SPAG1: variants seen among roughly 807,000 people sequenced by gnomAD.
SPAG1 encodes sperm associated antigen 1.
Under a neutral mutation model 100.5 loss-of-function variants are expected in SPAG1, and 69 were observed. That is an observed-to-expected ratio of 0.69 (90% CI 0.57 to 0.84). The LOEUF is 0.84. SPAG1 is among the 40% of genes least tolerant of loss of function. SPAG1 has a pLI of 0.00. For synonymous variants in SPAG1, 336 were observed against 411.6 expected (o/e 0.82, Z 2.22); for missense variants, 955 against 1,133.1 (o/e 0.84, Z 2.26).
intron 13 of SPAG1, among the ~76,000 whole-genome samples, chr8:100,223,750 G>C (rs1010992142): frequency 1.3e-5 from 2 of 151,422 alleles, no homozygotes; most frequent in African/African-American, 2.4e-5. Flanking sequence ...CTTCCTCTCT[G>C]CTGGTAATAT....
At chr8:100,234,852 A>G (rs1485809361) in intron 16 of SPAG1, among the ~76,000 whole-genome samples, 1 of 152,130 alleles carries the variant, frequency 6.6e-6, no homozygotes, top group African/African-American at 2.4e-5. Context: ...TCTGAAGGTG[A>G]TGGAGCCTCC....
At chr8:100,237,807 T>A (rs980931353) in intron 16 of SPAG1, among the ~76,000 whole-genome samples, 12 of 152,132 alleles carry the variant, frequency 7.9e-5, no homozygotes, top group Admixed American at 7.9e-4. Context: ...TTCCAACCAG[T>A]CAGGCTGCTC....
At chr8:100,223,580 CT>C (rs34674281) in intron 13 of SPAG1, among the ~76,000 whole-genome samples, 49,876 of 143,070 alleles carry the variant, frequency 0.35, 8,587 homozygotes, top group East Asian at 0.5. Flanking sequence ...ACAGCAGAAG[CT>C]TTTTTTTTTT....
chr8:100,230,458 T>C (rs892145066), intron 14 of SPAG1, among the ~76,000 whole-genome samples: 7 of 152,214 alleles, frequency 4.6e-5, no homozygotes, highest in Non-Finnish European at 7.3e-5. Flanking sequence ...TGCAGCCTTA[T>C]TGGAGACTCT....
rs1041838934 is a variant in SPAG1, at chr8:100,178,054, T to C, written c.426+113T>C. 1.2e-4 allele frequency: 88 copies of C among 732,584 alleles called. 1 individual carries two copies. Among genetic ancestry groups the C allele is most frequent in the Admixed American group, 5.9e-4 (22 of 37,484 alleles). The allele number at this position is 732,584 out of a possible 1,614,324, so 45.4% of individuals were successfully genotyped here. A position where few individuals can be genotyped will look rare whatever the true frequency, so the allele number is the denominator to read the frequency against. On this transcript the variant is annotated intron_variant, in intron 4 of 18. Transcript: ENST00000388798. ...CTATGTGTGATGTCCTCTAGGAGAA[T>C]TGGGGAGTTTGTTCAGCTGGCTGGG... is the stretch of plus-strand genomic sequence containing the variant.
chr8:100,200,485 T>C (rs892186466), intron 10 of SPAG1, among the ~76,000 whole-genome samples: 3 of 152,234 alleles, frequency 2.0e-5, no homozygotes, highest in Admixed American at 2.0e-4. Flanking sequence ...CTGGGTCAAA[T>C]GGTATTTCTA....
chr8:100,221,930 A>AC, intron 13 of SPAG1, among the ~76,000 whole-genome samples: 1 of 152,338 alleles, frequency 6.6e-6, no homozygotes, highest in South Asian at 2.1e-4. Flanking sequence ...GTCACAGGGA[A>AC]CCTGTCTGAT....
chr8:100,225,414 G>T, intron 14 of SPAG1, 75 bp downstream of exon 14: 3 of 1,335,412 alleles, frequency 2.2e-6, no homozygotes, highest in Admixed American at 2.0e-5. Context: ...AAAGCAGAGA[G>T]ATAAGAGCAT....
intron 10 of SPAG1, among the ~76,000 whole-genome samples, chr8:100,199,070 T>C (rs924999627): frequency 6.6e-6 from 1 of 152,284 alleles, no homozygotes; most frequent in Non-Finnish European, 1.5e-5. Context: ...TGAATAATGC[T>C]GTCATGAACG....
At chr8:100,207,631 A>G (rs567213592) in intron 10 of SPAG1, among the ~76,000 whole-genome samples, 120 of 152,308 alleles carry the variant, frequency 7.9e-4, no homozygotes, top group Non-Finnish European at 1.4e-3. Flanking sequence ...GTTGTAGCCA[A>G]TGGTTTGGCT....
chr8:100,191,971 T>A (rs1326997314), intron 9 of SPAG1, among the ~76,000 whole-genome samples: 1 of 152,158 alleles, frequency 6.6e-6, no homozygotes, highest in Admixed American at 6.5e-5. Flanking sequence ...GATTTTCCCC[T>A]GCTTACAAAT....
chr8:100,202,373 A>C (rs1817313603), intron 10 of SPAG1, among the ~76,000 whole-genome samples: 1 of 151,888 alleles, frequency 6.6e-6, no homozygotes, highest in Non-Finnish European at 1.5e-5. Flanking sequence ...AAACAAAAAA[A>C]CCTGTTCTTT....
intron 4 of SPAG1, among the ~76,000 whole-genome samples, chr8:100,178,200 T>C (rs79901855): frequency 2.6e-5 from 4 of 152,184 alleles, no homozygotes; most frequent in Non-Finnish European, 5.9e-5. Flanking sequence ...GTCTTTTTTT[T>C]CTTTTTTTAT....
chr8:100,207,273 G>A (rs571251050), intron 10 of SPAG1, among the ~76,000 whole-genome samples: 61 of 152,154 alleles, frequency 4.0e-4, no homozygotes, highest in Non-Finnish European at 7.8e-4. Context: ...AGGTTCTGAA[G>A]GCACAAATAA....
intron 10 of SPAG1, among the ~76,000 whole-genome samples, chr8:100,210,891 G>A (rs1417846875): frequency 6.6e-6 from 1 of 151,130 alleles, no homozygotes; most frequent in African/African-American, 2.4e-5. Flanking sequence ...GCAATGGTGT[G>A]ATCTTGGCTC....
intron 14 of SPAG1, among the ~76,000 whole-genome samples, chr8:100,229,947 A>ATCATCCCTTT (rs1818691584): frequency 6.6e-6 from 1 of 152,154 alleles, no homozygotes; most frequent in African/African-American, 2.4e-5. Context: ...CCATTTTCAC[A>ATCATCCCTTT]TCATCCCTTT....
In SPAG1 at chr8:100,213,112, C is replaced by T. The variant is rs1368158185; in HGVS notation, c.1119C>T (p.Ala373=). 23 of 1,480,852 alleles carry T rather than the reference C, an allele frequency of 1.6e-5. No individual in the cohort carries two copies. In the Admixed American group the frequency reaches 3.5e-4, roughly 23 times the overall value. 91.7% of individuals were successfully genotyped at this position (1,480,852 alleles called of 1,614,324 possible). The change falls in exon 11 of 19, where the codon GCC becomes GCT. Residue 373 remains alanine, a synonymous_variant. Transcript: ENST00000388798. ...CAGAGCCCGCGGAGCCGGCGGGAGC[C>T]GCGCGCGCCGCCCAGCCGTGCGTCA... ...GDKKPAEPAG[A]ARAAQPCVMG...
intron 10 of SPAG1, among the ~76,000 whole-genome samples, chr8:100,203,034 A>G (rs1817355749): frequency 2.6e-5 from 4 of 152,160 alleles, no homozygotes; most frequent in Admixed American, 2.6e-4. Flanking sequence ...GATACAAAGT[A>G]TTGATCCTGG....
At chr8:100,213,469 C>T in intron 11 of SPAG1, 41 bp downstream of exon 11, 1 of 1,356,402 alleles carries the variant, frequency 7.4e-7, no homozygotes, top group South Asian at 1.7e-5. Flanking sequence ...GCCCCTCGCG[C>T]TGCGGTTCAC....
Sources: allele counts gnomAD v4.1 joint callset (sites outside exome capture counted in the v4.1 genomes callset), GRCh38; gene constraint gnomAD v4.1.1; transcripts MANE v1.5; gene names NCBI Gene and HGNC (gene_info 2026-07-23, HGNC 2026-07-21).